The following MPHOSPH9 variants were observed in gnomAD, a reference collection of about 807,000 sequenced individuals.
MPHOSPH9 encodes M-phase phosphoprotein 9.
A neutral mutation model predicts 145.5 loss-of-function variants in MPHOSPH9; 88 were observed. The observed-to-expected ratio is 0.60, with a 90% CI of 0.51 to 0.72. MPHOSPH9 has a LOEUF of 0.72. MPHOSPH9 is among the 30% of genes least tolerant of loss of function. The pLI, the probability that MPHOSPH9 is intolerant of heterozygous loss-of-function variation, is 0.00. For missense variants in MPHOSPH9, 1,238 were observed against 1,386.6 expected (o/e 0.89, Z 1.70); for synonymous variants, 435 against 486.2 (o/e 0.89, Z 1.39).
At chr12:123,175,204 G>A (rs2044787584) in intron 16 of MPHOSPH9, among the ~76,000 whole-genome samples, 1 of 151,400 alleles carries the variant, frequency 6.6e-6, no homozygotes, top group South Asian at 2.1e-4. Flanking sequence ...AGGCTGGAGT[G>A]CAGTGGCGCA....
At position 123,230,281 on chromosome 12, in the gene MPHOSPH9, T is replaced by A. The variant is rs1433086089; in HGVS notation, c.84A>T (p.Gly28=). ...GSDENSLHSL[G]LNLNTDRSSP... The stretch of plus-strand genomic sequence containing the variant: ...CTTACCTATCAGTATTTAAGTTCAG[T>A]CCAAGAGAATGAAGAGAATTTTCAT... Residue 28 remains glycine (G), a synonymous_variant, in exon 2 of 24, where the codon GGA becomes GGT. Coordinates refer to ENST00000606320, the MANE Select transcript of MPHOSPH9 (RefSeq NM_022782.4). 2.0e-6 allele frequency: 3 copies of A among 1,528,596 alleles called. No homozygotes were observed. Among genetic ancestry groups the A allele is most frequent in the Non-Finnish European group, 2.6e-6 (3 of 1,141,064 alleles). The allele number at this position is 1,528,596 out of a possible 1,614,324, so 94.7% of individuals were successfully genotyped here. A position where few individuals can be genotyped will look rare whatever the true frequency, so the allele number is the denominator to read the frequency against.
At chr12:123,179,429 G>T (rs1285296702) in intron 15 of MPHOSPH9, among the ~76,000 whole-genome samples, 1 of 152,134 alleles carries the variant, frequency 6.6e-6, no homozygotes, top group Non-Finnish European at 1.5e-5. Flanking sequence ...CAAAAAATTA[G>T]CTGGGTGTGG....
intron 16 of MPHOSPH9, among the ~76,000 whole-genome samples, chr12:123,168,656 C>T (rs1400075428): frequency 2.0e-5 from 3 of 152,000 alleles, no homozygotes; most frequent in Non-Finnish European, 4.4e-5. Context: ...ACATGACTTT[C>T]TGTAACCAGC....
intron 17 of MPHOSPH9, chr12:123,166,443 T>G (rs1411903281): frequency 1.6e-6 from 1 of 606,980 alleles, no homozygotes; most frequent in Non-Finnish European, 2.9e-6. Context: ...AAACCCATAC[T>G]GTGCCACTGA....
chr12:123,203,407 T>C (rs1238731395), intron 8 of MPHOSPH9, 32 bp from the exon 9 acceptor site: 1 of 1,537,220 alleles, frequency 6.5e-7, no homozygotes, highest in Non-Finnish European at 8.8e-7. Context: ...TAAATGGTGT[T>C]ATCAATAATG....
chr12:123,172,285 A>G (rs540723780), intron 16 of MPHOSPH9, among the ~76,000 whole-genome samples: 61 of 152,082 alleles, frequency 4.0e-4, no homozygotes, highest in Non-Finnish European at 7.5e-4. Context: ...CTTGTATTCC[A>G]TGAAAATTGT....
rs746830615 is a variant in MPHOSPH9, at chr12:123,202,260, T to A, written c.1841A>T (p.Tyr614Phe). The part of the protein sequence containing the change: ...ARHIADLRAY[Y>F]ESEINSLKQK... ...TTTCAAACTATTTATTTCTGATTCA[T>A]AATAAGCTCGAAGATCTGCTATGTG... Residue 614 changes from tyrosine to phenylalanine, a missense_variant, in exon 11 of 24, where the codon TAT becomes TTT. Around this residue, in one of 3 missense-constraint regions of MPHOSPH9, gnomAD observed 837 missense variants for 897.5 expected, o/e 0.93. Transcript: ENST00000606320. The A allele has an allele frequency of 7.4e-6, 12 of 1,613,458 alleles. No homozygotes were observed. The East Asian group carries it at 1.8e-4, about 24-fold the overall frequency.
chr12:123,186,637 C>T (rs973275259), intron 13 of MPHOSPH9, among the ~76,000 whole-genome samples: 1 of 152,168 alleles, frequency 6.6e-6, no homozygotes, highest in Non-Finnish European at 1.5e-5. Flanking sequence ...TCACCCACCA[C>T]AATTATAGAT....
intron 1 of MPHOSPH9, among the ~76,000 whole-genome samples, chr12:123,239,329 C>T (rs1191145516): frequency 1.3e-5 from 2 of 152,152 alleles, no homozygotes; most frequent in Non-Finnish European, 2.9e-5. Flanking sequence ...GTTAAATATA[C>T]ATTTCATCAT....
chr12:123,221,880 TCTC>T lies in MPHOSPH9; in HGVS notation c.361_363del (p.Glu121del), dbSNP rs779269602. On this transcript the variant is annotated inframe_deletion, in exon 5 of 24. Transcript: ENST00000606320. ...GTCTGTAATTTGACTAAATTTTTTA[TCTC>T]CTCCTGTATATGCTGGAAATAAAAA... is the stretch of plus-strand genomic sequence containing the variant. 2 of 1,569,544 alleles carry T rather than the reference TCTC, an allele frequency of 1.3e-6. No homozygotes were observed. The highest frequency in any genetic ancestry group is 1.7e-6 in the Non-Finnish European group (2 of 1,158,344).
chr12:123,195,234 C>A (rs1341898794), intron 12 of MPHOSPH9, among the ~76,000 whole-genome samples: 1 of 152,060 alleles, frequency 6.6e-6, no homozygotes, highest in Non-Finnish European at 1.5e-5. Flanking sequence ...ACTTTGTTGC[C>A]CAACATCAAC....
intron 3 of MPHOSPH9, among the ~76,000 whole-genome samples, chr12:123,224,130 A>ATTT (rs1156810609): frequency 2.5e-5 from 2 of 81,034 alleles, no homozygotes; most frequent in African/African-American, 8.1e-5. Flanking sequence ...ATATATACAC[A>ATTT]TTTTTTTTTT....
intron 5 of MPHOSPH9, among the ~76,000 whole-genome samples, chr12:123,218,863 C>T (rs1251146041): frequency 1.2e-5 from 1 of 83,274 alleles, no homozygotes; most frequent in African/African-American, 5.6e-5. Context: ...AAGCTAACCA[C>T]CAGTTGCTTT....
intron 1 of MPHOSPH9, among the ~76,000 whole-genome samples, chr12:123,240,101 C>T (rs866528041): frequency 2.0e-5 from 3 of 151,472 alleles, no homozygotes; most frequent in South Asian, 2.1e-4. Context: ...AGGTGGCTCA[C>T]GCCTGTAATC....
At chr12:123,212,299 G>A (rs1041036032) in intron 7 of MPHOSPH9, among the ~76,000 whole-genome samples, 4 of 152,058 alleles carry the variant, frequency 2.6e-5, no homozygotes, top group Non-Finnish European at 4.4e-5. Context: ...CCTCATACAG[G>A]GAAAAGAACA....
intron 13 of MPHOSPH9, among the ~76,000 whole-genome samples, chr12:123,182,410 T>C (rs963780530): frequency 6.6e-6 from 1 of 151,444 alleles, no homozygotes; most frequent in African/African-American, 2.4e-5. Flanking sequence ...TATGCCACCA[T>C]GCTCAGCTAA....
intron 6 of MPHOSPH9, among the ~76,000 whole-genome samples, chr12:123,217,355 A>T (rs2047012944): frequency 6.6e-6 from 1 of 151,688 alleles, no homozygotes; most frequent in African/African-American, 2.4e-5. Context: ...ATGCTACCAC[A>T]CCCGGCTAAG....
chr12:123,175,173 C>T (rs909453065), intron 16 of MPHOSPH9, among the ~76,000 whole-genome samples: 10 of 150,324 alleles, frequency 6.7e-5, no homozygotes, highest in Admixed American at 6.0e-4. Context: ...TTTTCTGAGA[C>T]GGAGTCTTGC....
At chr12:123,204,092 CGA>C in intron 8 of MPHOSPH9, among the ~76,000 whole-genome samples, 1 of 152,134 alleles carries the variant, frequency 6.6e-6, no homozygotes, top group South Asian at 2.1e-4. Context: ...CACTTGAAGT[CGA>C]GAGTTTGAGA....
Sources: gnomAD v4.1 joint callset for allele counts (sites outside exome capture counted in the v4.1 genomes callset) on GRCh38, gnomAD v4.1.1 for gene constraint, gnomAD v4.1.1 regional missense constraint, MANE v1.5 for transcripts, NCBI Gene and HGNC (gene_info 2026-07-23, HGNC 2026-07-21) for gene names.